Variants in ESPNL observed in about 807,000 individuals in gnomAD.
The protein encoded by ESPNL is espin like.
In ESPNL, 49 loss-of-function variants were observed where a neutral mutation model predicts 46.8. The observed-to-expected ratio is 1.05, with a 90% CI of 0.83 to 1.33. The LOEUF is 1.33. ESPNL is among the 40% of genes most tolerant of loss of function. ESPNL has a pLI of 0.00. For synonymous variants in ESPNL, 664 were observed against 662.1 expected, an observed-to-expected ratio of 1.00 and a Z score of -0.04; for missense variants, 1,540 against 1,436.6, an observed-to-expected ratio of 1.07 and a Z score of -1.16.
intron 4 of ESPNL, among the ~76,000 whole-genome samples, chr2:238,116,400 G>A (rs574117858): frequency 6.6e-6 from 1 of 152,346 alleles, no homozygotes; most frequent in Admixed American, 6.5e-5. Flanking sequence ...GCTTGGTCAG[G>A]CATGAGCTGG....
chr2:238,100,941 C>A (rs868282592), intron 1 of ESPNL, among the ~76,000 whole-genome samples: 5 of 152,250 alleles, frequency 3.3e-5, no homozygotes, highest in Non-Finnish European at 2.9e-5. Flanking sequence ...CCTTCCCTGC[C>A]AGGAAGCTGG....
At chr2:238,104,261 C>G (rs1317614104) in intron 2 of ESPNL, among the ~76,000 whole-genome samples, 1 of 152,212 alleles carries the variant, frequency 6.6e-6, no homozygotes, top group East Asian at 1.9e-4. Context: ...CCAGCCAGTG[C>G]AACCCTCAGC....
intron 3 of ESPNL, among the ~76,000 whole-genome samples, chr2:238,105,405 C>T (rs1006529215): frequency 5.3e-5 from 8 of 150,758 alleles, no homozygotes; most frequent in Non-Finnish European, 1.0e-4. Flanking sequence ...CCCAGCTACT[C>T]GGGAGGCTGA....
intron 6 of ESPNL, chr2:238,127,307 G>T: frequency 1.7e-6 from 2 of 1,152,772 alleles, no homozygotes; most frequent in Non-Finnish European, 2.1e-6. Context: ...AACCAGCTTT[G>T]GGGCCTGCAG....
intron 7 of ESPNL, among the ~76,000 whole-genome samples, chr2:238,128,342 T>G (rs1328222841): frequency 6.6e-6 from 1 of 152,102 alleles, no homozygotes; most frequent in East Asian, 1.9e-4. Context: ...CGGCACAGGA[T>G]TGGCTGCCAG....
At chr2:238,130,044 T>A in intron 8 of ESPNL, 84 bp from the exon 9 acceptor site, 1 of 1,473,464 alleles carries the variant, frequency 6.8e-7, no homozygotes. Flanking sequence ...GCAGAGATAC[T>A]GAGAACTCAG....
chr2:238,122,445 A>C (rs11902786), intron 5 of ESPNL, among the ~76,000 whole-genome samples: 52,934 of 152,040 alleles, frequency 0.35, 10,146 homozygotes, highest in African/African-American at 0.5. Context: ...CAGGTGAAGA[A>C]ATGGAGGCTC....
Position 238,104,686 on chromosome 2 carries a change from C to A in ESPNL, c.516C>A (p.Ala172=). The A allele has an allele frequency of 6.2e-7, 1 of 1,603,608 alleles. No homozygotes were observed. Among genetic ancestry groups the A allele is most frequent in the Admixed American group, 1.7e-5 (1 of 59,268 alleles). The change falls in exon 3 of 9, where the codon GCC becomes GCA. Residue 172 remains alanine (A), a synonymous_variant. Coordinates refer to ENST00000343063, the MANE Select transcript of ESPNL (RefSeq NM_194312.4). The part of the protein sequence containing the change: ...SSVNRRTRSG[A]SPLYLACQEG... Reference sequence around the variant, plus strand: ...TGAACCGGCGGACACGCAGTGGCGCCTCCCCACTCTACCTGGCCTGCCAGG... The same window carrying A: ...TGAACCGGCGGACACGCAGTGGCGCATCCCCACTCTACCTGGCCTGCCAGG...
At chr2:238,118,885 T>A (rs1256609923) in intron 5 of ESPNL, among the ~76,000 whole-genome samples, 1 of 110,494 alleles carries the variant, frequency 9.1e-6, no homozygotes, top group African/African-American at 3.6e-5. Flanking sequence ...GAGAAATGGA[T>A]GAAAGAGTTG....
chr2:238,130,874 G>A lies in ESPNL; in HGVS notation c.2160G>A (p.Glu720=). Residue 720 remains glutamate (E), a synonymous_variant, in exon 9 of 9, where the codon GAG becomes GAA. Transcript: ENST00000343063. ...GCGACTCTGGCATCAGCTGCGAGGA[G>A]GTGCCATCAGAGGCGGGTGCCGCAG... ...EASDSGISCE[E]VPSEAGAAAG... 5 of 1,557,042 alleles carry A rather than the reference G, an allele frequency of 3.2e-6. No homozygotes were observed. The highest frequency in any genetic ancestry group is 4.3e-6 in the Non-Finnish European group (5 of 1,151,612).
chr2:238,129,898 C>T (rs992680733), intron 8 of ESPNL, among the ~76,000 whole-genome samples: 4 of 152,258 alleles, frequency 2.6e-5, no homozygotes, highest in African/African-American at 9.6e-5. Context: ...CCTGTCCTTG[C>T]CTGTTGGGCT....
At chr2:238,107,615 C>A (rs2106465972) in intron 3 of ESPNL, among the ~76,000 whole-genome samples, 176 bp from the exon 4 acceptor site, 1 of 152,346 alleles carries the variant, frequency 6.6e-6, no homozygotes, top group East Asian at 1.9e-4. Flanking sequence ...GTCCTGCTGC[C>A]CCAGGGTGAC....
At chr2:238,118,553 G>GA (rs1327595156) in intron 5 of ESPNL, among the ~76,000 whole-genome samples, 2 of 117,920 alleles carry the variant, frequency 1.7e-5, no homozygotes, top group Non-Finnish European at 3.5e-5. Flanking sequence ...GATGGAAGAG[G>GA]TGGATGGAGG....
At position 238,125,401 on chromosome 2, in the gene ESPNL, A is replaced by ACGTGGGCC. The variant is rs1692083150; in HGVS notation, c.1102+17_1102+18insCGTGGGCC. ...ACCCCAGCCGTGAGTGCACAGCCCC[A>ACGTGGGCC]AGTGGGCCACCCAGGGCATGGGCCT... is the stretch of plus-strand genomic sequence containing the variant. On this transcript the variant is annotated intron_variant, in intron 6 of 8. Coordinates refer to ENST00000343063, the MANE Select transcript of ESPNL (RefSeq NM_194312.4). The ACGTGGGCC allele has an allele frequency of 6.9e-7, 1 of 1,459,204 alleles. No homozygotes were observed. The highest frequency in any genetic ancestry group is 1.3e-5 in the South Asian group (1 of 74,544). The allele number at this position is 1,459,204 out of a possible 1,614,324, so 90.4% of individuals were successfully genotyped here.
At position 238,132,584 on chromosome 2, in the gene ESPNL, C is replaced by G. The variant is rs1425979295; in HGVS notation, c.*852C>G. ...GGGCGTGGATACTCCGTGAGGGCAC[C>G]TGGGTGTCACCCACAGTGCACCTCT... On this transcript the variant is annotated 3_prime_UTR_variant, in exon 9 of 9. Transcript: ENST00000343063. 1 of 152,418 alleles carries G rather than the reference C, an allele frequency of 6.6e-6. No individual in the cohort carries two copies. Among genetic ancestry groups the G allele is most frequent in the Non-Finnish European group, 1.5e-5 (1 of 68,162 alleles). 9.4% of individuals were successfully genotyped at this position (152,418 alleles called of 1,614,324 possible). A position where few individuals can be genotyped will look rare whatever the true frequency, so the allele number is the denominator to read the frequency against.
intron 5 of ESPNL, among the ~76,000 whole-genome samples, chr2:238,123,839 C>A (rs1469883578): frequency 6.6e-6 from 1 of 152,112 alleles, no homozygotes; most frequent in African/African-American, 2.4e-5. Context: ...GGGGGCCGGG[C>A]AGATGGGCTT....
rs1263123924 is a variant in ESPNL, at chr2:238,130,461, G to GC, written c.1752dup (p.Gly585ArgfsTer34). On this transcript the variant is annotated frameshift_variant, in exon 9 of 9. Coordinates refer to ENST00000343063, the MANE Select transcript of ESPNL (RefSeq NM_194312.4). LOFTEE classifies it low-confidence loss of function (END_TRUNC). ...AGGGTCTGCGGAGGCCTCAGAGGTG[G>GC]CCCCCGGGGTGCAGCCCCTGCCCTT... 8 of 1,601,202 alleles carry GC rather than the reference G, an allele frequency of 5.0e-6. No homozygotes were observed. The highest frequency in any genetic ancestry group is 6.8e-6 in the Non-Finnish European group (8 of 1,174,384).
At chr2:238,116,559 A>G (rs977745747) in intron 4 of ESPNL, among the ~76,000 whole-genome samples, 1 of 152,002 alleles carries the variant, frequency 6.6e-6, no homozygotes, top group Non-Finnish European at 1.5e-5. Flanking sequence ...ATTGATCCAC[A>G]CCTCCAAGGG....
chr2:238,121,964 G>A (rs1030603661), intron 5 of ESPNL, among the ~76,000 whole-genome samples: 2 of 152,262 alleles, frequency 1.3e-5, no homozygotes, highest in East Asian at 1.9e-4. Context: ...TCCGTGGGCC[G>A]TGATTCTCTC....
Sources: allele counts gnomAD v4.1 joint callset (sites outside exome capture counted in the v4.1 genomes callset), GRCh38; gene constraint gnomAD v4.1.1; transcripts MANE v1.5; gene names NCBI Gene and HGNC (gene_info 2026-07-23, HGNC 2026-07-21).